DCLRE1B: variants seen among roughly 807,000 people sequenced by gnomAD.
The protein encoded by DCLRE1B is 5' exonuclease Apollo.
In DCLRE1B, 6 loss-of-function variants were observed where a neutral mutation model predicts 19.8. That is an observed-to-expected ratio of 0.30 (90% CI 0.17 to 0.60). The LOEUF (loss-of-function observed/expected upper bound fraction) is 0.60. DCLRE1B is among the 20% of genes least tolerant of loss of function. The probability of loss-of-function intolerance (pLI) is 0.87; values close to 1 mark genes in which losing one functional copy is unlikely to be tolerated. For synonymous variants in DCLRE1B, 258 were observed against 255.7 expected (o/e 1.01, Z -0.09); for missense variants, 622 against 654.2 (o/e 0.95, Z 0.54).
Position 113,912,309 on chromosome 1 carries a change from C to T in DCLRE1B, c.*118C>T, listed in dbSNP as rs1389550361. The T allele has an allele frequency of 9.6e-7, 1 of 1,040,410 alleles. No homozygotes were observed. 64.4% of individuals were successfully genotyped at this position (1,040,410 alleles called of 1,614,324 possible). ...CCTACTTTTCTATCTTTACAAGACT[C>T]TTATGGGCCCACCGTGGAGCAGCAC... is the stretch of plus-strand genomic sequence containing the variant. On this transcript the variant is annotated 3_prime_UTR_variant, in exon 4 of 4. Coordinates refer to ENST00000650450, the MANE Select transcript of DCLRE1B (RefSeq NM_022836.4).
chr1:113,908,107 G>T lies in DCLRE1B; in HGVS notation c.454G>T (p.Ala152Ser). Reference sequence around the variant, plus strand: ...CCTAGACAACACCAATTGCAATCCAGCCCTGGTTCTTCCTTCCCGACAAGA... The same window carrying T: ...CCTAGACAACACCAATTGCAATCCATCCCTGGTTCTTCCTTCCCGACAAGA... ...LYLDNTNCNP[A>S]LVLPSRQEAA... Residue 152 changes from alanine (A) to serine (S), a missense_variant, in exon 3 of 4, where the codon GCC becomes TCC. Ala to Ser is a moderately conservative substitution (Grantham distance 99, BLOSUM62 1). Transcript: ENST00000650450. The T allele has an allele frequency of 6.2e-7, 1 of 1,614,154 alleles. No homozygotes were observed. The highest frequency in any genetic ancestry group is 8.5e-7 in the Non-Finnish European group (1 of 1,180,036).
chr1:113,906,907 T>C, intron 1 of DCLRE1B, 89 bp from the exon 2 acceptor site: 1 of 1,478,720 alleles, frequency 6.8e-7, no homozygotes, highest in Non-Finnish European at 9.2e-7. Context: ...TTTGGTCAGC[T>C]TTCCTGATTC....
intron 3 of DCLRE1B, among the ~76,000 whole-genome samples, chr1:113,910,022 C>G (rs773663171): frequency 6.6e-6 from 1 of 152,218 alleles, no homozygotes; most frequent in East Asian, 1.9e-4. Context: ...TATTAAACAA[C>G]ATCTCCCATA....
chr1:113,908,342 T>G (rs11102702), intron 3 of DCLRE1B, 151 bp downstream of exon 3: 4 of 1,085,720 alleles, frequency 3.7e-6, no homozygotes, highest in Non-Finnish European at 5.1e-6. Context: ...GTGTGGTGGT[T>G]CATGCCTATA....
At position 113,905,783 on chromosome 1, in the gene DCLRE1B, G is replaced by A; in HGVS notation, c.189+8G>A. On this transcript the variant is annotated splice_region_variant and intron_variant, in intron 1 of 3. Transcript: ENST00000650450. ...TTGCATCGTCACCTACAGGTATGGGGCTGGAGTCGGTCTCCGAGAGCTGGT... is the reference window on the plus strand; with the variant it reads ...TTGCATCGTCACCTACAGGTATGGGACTGGAGTCGGTCTCCGAGAGCTGGT... 1 of 1,604,544 alleles carries A rather than the reference G, an allele frequency of 6.2e-7. No homozygotes were observed.
intron 1 of DCLRE1B, among the ~76,000 whole-genome samples, chr1:113,906,085 C>T (rs1352280635): frequency 1.2e-4 from 14 of 115,952 alleles, no homozygotes; most frequent in Non-Finnish European, 2.1e-4. Context: ...GAGACGGAGT[C>T]TCGCTCTGTT....
chr1:113,911,554 A>G lies in DCLRE1B; in HGVS notation c.962A>G (p.Asp321Gly). The part of the protein sequence containing the change: ...SPRISVPLIP[D>G]SVQQYMSSSS... ...AGGATCTCCGTGCCCCTGATTCCGG[A>G]CTCTGTACAGCAATACATGAGTTCT... The change falls in exon 4 of 4, where the codon GAC becomes GGC. Residue 321 changes from aspartate (D) to glycine (G), a missense_variant. By Grantham distance (94) the Asp-to-Gly change is moderately conservative (BLOSUM62 -1). Coordinates refer to ENST00000650450, the MANE Select transcript of DCLRE1B (RefSeq NM_022836.4). 1.2e-6 allele frequency: 2 copies of G among 1,611,454 alleles called. No homozygotes were observed. The highest frequency in any genetic ancestry group is 1.7e-6 in the Non-Finnish European group (2 of 1,178,654).
In DCLRE1B at chr1:113,905,685, C is replaced by T. The variant is rs747335906; in HGVS notation, c.99C>T (p.His33=). Residue 33 remains histidine (H), a synonymous_variant, in exon 1 of 4, where the codon CAC becomes CAT. Coordinates refer to ENST00000650450, the MANE Select transcript of DCLRE1B (RefSeq NM_022836.4). ...GTCTCTTCTTCTTGTCTCACATGCA[C>T]TCGGACCACACCGTGGGCCTGTCTA... ...TARLFFLSHM[H]SDHTVGLSST... is the part of the protein sequence containing the mutation. 5 of 1,614,086 alleles carry T rather than the reference C, an allele frequency of 3.1e-6. No individual in the cohort carries two copies. The highest frequency in any genetic ancestry group is 2.7e-5 in the African/African-American group (2 of 74,932).
Position 113,907,046 on chromosome 1 carries a change from A to C in DCLRE1B, c.240A>C (p.Leu80Phe). The C allele has an allele frequency of 6.2e-7, 1 of 1,613,714 alleles. No individual in the cohort carries two copies. The highest frequency in any genetic ancestry group is 8.5e-7 in the Non-Finnish European group (1 of 1,179,950). ...TGGAGGTTGGTGAGAGCCATGTATT[A>C]CCCCTAGATGAAATTGGACAAGAGA... The part of the protein sequence containing the change: ...QALEVGESHV[L>F]PLDEIGQETM... Residue 80 changes from leucine (L) to phenylalanine (F), a missense_variant, in exon 2 of 4, where the codon TTA becomes TTC. By Grantham distance (22) the Leu-to-Phe change is conservative. This residue lies in a region of DCLRE1B where 237 missense variants were observed against 223.8 expected (regional missense o/e 1.06). Transcript: ENST00000650450.
In DCLRE1B at chr1:113,912,257, C is replaced by T; in HGVS notation, c.*66C>T. 6.8e-7 allele frequency: 1 copy of T among 1,473,834 alleles called. No homozygotes were observed. The highest frequency in any genetic ancestry group is 9.1e-7 in the Non-Finnish European group (1 of 1,101,616). 91.3% of individuals were successfully genotyped at this position (1,473,834 alleles called of 1,614,324 possible). A position where few individuals can be genotyped will look rare whatever the true frequency, so the allele number is the denominator to read the frequency against. Reference sequence around the variant, plus strand: ...CAGTTTTGAAGATAGTAACTGATGGCTGGTGGGAAAGAGTTTGTTTTTGGG... The same window carrying T: ...CAGTTTTGAAGATAGTAACTGATGGTTGGTGGGAAAGAGTTTGTTTTTGGG... On this transcript the variant is annotated 3_prime_UTR_variant, in exon 4 of 4. Coordinates refer to ENST00000650450, the MANE Select transcript of DCLRE1B (RefSeq NM_022836.4).
upstream of DCLRE1B, chr1:113,904,790 G>C (rs189000826): frequency 1.5e-4 from 197 of 1,271,216 alleles, 3 homozygotes; most frequent in African/African-American, 2.3e-3. Flanking sequence ...CCTGATGTGG[G>C]AGCCTGAGTA....
chr1:113,906,624 G>A (rs1191515387), intron 1 of DCLRE1B, among the ~76,000 whole-genome samples: 1 of 151,894 alleles, frequency 6.6e-6, no homozygotes, highest in Non-Finnish European at 1.5e-5. Flanking sequence ...CCGAGTAGCT[G>A]GGACTACAGG....
Position 113,912,074 on chromosome 1 carries a change from T to C in DCLRE1B, c.1482T>C (p.Ala494=). 1 of 1,614,236 alleles carries C rather than the reference T, an allele frequency of 6.2e-7. No homozygotes were observed. The highest frequency in any genetic ancestry group is 2.2e-5 in the East Asian group (1 of 44,880). ...SHSSKGTPLL[A]TEFRGLALKY... Reference sequence around the variant, plus strand: ...GCAGCAAGGGCACCCCTCTTCTAGCTACTGAATTCAGGGGTCTAGCACTCA... The same window carrying C: ...GCAGCAAGGGCACCCCTCTTCTAGCCACTGAATTCAGGGGTCTAGCACTCA... Residue 494 remains alanine (A), a synonymous_variant, in exon 4 of 4, where the codon GCT becomes GCC. Coordinates refer to ENST00000650450, the MANE Select transcript of DCLRE1B (RefSeq NM_022836.4).
chr1:113,913,583 A>G lies in DCLRE1B; in HGVS notation c.*1392A>G, dbSNP rs1669342218. The G allele has an allele frequency of 6.5e-6, 1 of 152,822 alleles. No individual in the cohort carries two copies. The highest frequency in any genetic ancestry group is 1.9e-4 in the East Asian group (1 of 5,242). 9.5% of individuals were successfully genotyped at this position (152,822 alleles called of 1,614,324 possible). ...AGCAATTACTTAAATTGTGGAGCCT[A>G]GTTCCTCATCTGTAAGATGGACTTG... On this transcript the variant is annotated 3_prime_UTR_variant, in exon 4 of 4. Coordinates refer to ENST00000650450, the MANE Select transcript of DCLRE1B (RefSeq NM_022836.4).
At chr1:113,907,929 G>C in intron 2 of DCLRE1B, 80 bp from the exon 3 acceptor site, 2 of 1,480,380 alleles carry the variant, frequency 1.4e-6, no homozygotes, top group Admixed American at 2.1e-5. Flanking sequence ...GCAAACGCCT[G>C]TCTATTGTTG....
Position 113,912,196 on chromosome 1 carries a change from A to C in DCLRE1B, c.*5A>C, listed in dbSNP as rs1372399033. 6.2e-7 allele frequency: 1 copy of C among 1,601,008 alleles called. No individual in the cohort carries two copies. The highest frequency in any genetic ancestry group is 1.7e-5 in the Admixed American group (1 of 59,404). ...AAATACCATAAACCCTGCTGAAGAC[A>C]GGAGAGTACAGAATGACAACATTGA... On this transcript the variant is annotated 3_prime_UTR_variant, in exon 4 of 4. Transcript: ENST00000650450.
chr1:113,910,530 C>A (rs754525388), intron 3 of DCLRE1B, among the ~76,000 whole-genome samples: 3 of 152,078 alleles, frequency 2.0e-5, no homozygotes, highest in Non-Finnish European at 4.4e-5. Context: ...GAGACAGGGT[C>A]TCACTCTGTT....
rs774868615 is a variant in DCLRE1B at position 113,911,581 on chromosome 1, C to T, written c.989C>T (p.Ser330Phe). The change falls in exon 4 of 4, where the codon TCC becomes TTC. Residue 330 changes from serine (S) to phenylalanine (F), a missense_variant. Transcript: ENST00000650450. ...PDSVQQYMSS[S>F]SRKPSLLWLL... ...TCTGTACAGCAATACATGAGTTCTT[C>T]CTCTAGAAAACCAAGCCTTCTCTGG... 11 of 1,598,720 alleles carry T rather than the reference C, an allele frequency of 6.9e-6. No individual in the cohort carries two copies. The South Asian group carries it at 9.0e-5, about 13-fold the overall frequency.
rs754609253 is a variant in DCLRE1B at position 113,908,045 on chromosome 1, C to T, written c.392C>T (p.Pro131Leu). 1 of 1,614,146 alleles carries T rather than the reference C, an allele frequency of 6.2e-7. No homozygotes were observed. The highest frequency in any genetic ancestry group is 8.5e-7 in the Non-Finnish European group (1 of 1,180,020). Reference sequence around the variant, plus strand: ...TACACACCATCCATGCTAAAGGAGCCAGCCCTGACACTGGGGAAACAGATC... The same window carrying T: ...TACACACCATCCATGCTAAAGGAGCTAGCCCTGACACTGGGGAAACAGATC... The part of the protein sequence containing the change: ...FRYTPSMLKE[P>L]ALTLGKQIHT... The change falls in exon 3 of 4, where the codon CCA becomes CTA. Residue 131 changes from proline (P) to leucine (L), a missense_variant. Physicochemically the swap from Pro to Leu is moderately conservative, Grantham distance 98 (BLOSUM62 -3). This residue lies in a region of DCLRE1B where 237 missense variants were observed against 223.8 expected (regional missense o/e 1.06). Transcript: ENST00000650450.
Sources: allele counts gnomAD v4.1 joint callset (sites outside exome capture counted in the v4.1 genomes callset), GRCh38; gene constraint gnomAD v4.1.1; regional missense constraint gnomAD v4.1.1; transcripts MANE v1.5; gene names NCBI Gene and HGNC (gene_info 2026-07-23, HGNC 2026-07-21).